FXYD3: variants seen among roughly 807,000 people sequenced by gnomAD.
FXYD3 encodes the protein FXYD domain containing ion transport regulator 3.
FXYD3 carries 13 observed loss-of-function variants against 19.2 expected under a neutral mutation model. That is an observed-to-expected ratio of 0.68 (90% CI 0.44 to 1.08). The LOEUF (loss-of-function observed/expected upper bound fraction) is 1.08. FXYD3 is among the 50% of genes least tolerant of loss of function. FXYD3 has a pLI of 0.00. For synonymous variants in FXYD3, 48 were observed against 38.9 expected, an observed-to-expected ratio of 1.23 and a Z score of -0.87; for missense variants, 101 against 109.4, an observed-to-expected ratio of 0.92 and a Z score of 0.34.
At chr19:35,121,638 C>A in intron 5 of FXYD3, 2 of 834,162 alleles carry the variant, frequency 2.4e-6, no homozygotes, top group Non-Finnish European at 3.2e-6. Context: ...CCTCTCCACG[C>A]TCCTCATTCC....
At chr19:35,118,730 G>T in intron 2 of FXYD3, 1 of 292,902 alleles carries the variant, frequency 3.4e-6, no homozygotes, top group South Asian at 6.3e-5. Flanking sequence ...CAGCCAGGAG[G>T]TAGAGTCCCC....
intron 7 of FXYD3, 139 bp downstream of exon 7, chr19:35,123,093 T>C: frequency 6.9e-7 from 1 of 1,457,752 alleles, no homozygotes; most frequent in South Asian, 1.5e-5. Context: ...GTTTATTGTT[T>C]CTAGCTGGTA....
In FXYD3 at chr19:35,119,411, TG is replaced by T; in HGVS notation, c.37del (p.Ala13GlnfsTer11). 1 of 1,614,010 alleles carries T rather than the reference TG, an allele frequency of 6.2e-7. No individual in the cohort carries two copies. The highest frequency in any genetic ancestry group is 8.5e-7 in the Non-Finnish European group (1 of 1,179,916). On this transcript the variant is annotated frameshift_variant, in exon 3 of 9. Transcript: ENST00000604404. LOFTEE classifies it high-confidence loss of function. The part of the protein sequence containing the change: ...QKVTLGLLVF[L>X]AGFPVLDAND... ...GTGACCCTGGGCCTGCTTGTGTTCC[TG>T]GCAGGTGAGTACCCATCCCCCGTCT...
chr19:35,116,860 AC>A, intron 2 of FXYD3: 1 of 844,792 alleles, frequency 1.2e-6, no homozygotes, highest in Non-Finnish European at 1.3e-6. Context: ...GATTCTGGAG[AC>A]CTCCAGGAAA....
At position 35,119,419 on chromosome 19, in the gene FXYD3, G is replaced by A; in HGVS notation, c.40+3G>A. 3 of 1,613,738 alleles carry A rather than the reference G, an allele frequency of 1.9e-6. No individual in the cohort carries two copies. Among genetic ancestry groups the A allele is most frequent in the Non-Finnish European group, 2.5e-6 (3 of 1,179,742 alleles). ...GGGCCTGCTTGTGTTCCTGGCAGGT[G>A]AGTACCCATCCCCCGTCTGCCTTTT... On this transcript the variant is annotated splice_donor_region_variant and intron_variant, in intron 3 of 8. Transcript: ENST00000604404.
At chr19:35,120,104 G>A (rs1487175357) in intron 3 of FXYD3, among the ~76,000 whole-genome samples, 1 of 151,660 alleles carries the variant, frequency 6.6e-6, no homozygotes, top group Non-Finnish European at 1.5e-5. Context: ...CAGTGCGACT[G>A]CATCTTTAAC....
At chr19:35,119,280 G>A (rs745414605) in intron 2 of FXYD3, 83 bp from the exon 3 acceptor site, 2 of 1,611,486 alleles carry the variant, frequency 1.2e-6, no homozygotes, top group Admixed American at 1.7e-5. Flanking sequence ...CTGGGGAGCA[G>A]GGGAGGAGGG....
rs1045038452 is a variant in FXYD3, at chr19:35,118,604, G to A, written c.-14-759G>A. 8.0e-6 allele frequency: 8 copies of A among 998,626 alleles called. No individual in the cohort carries two copies. In the African/African-American group the frequency reaches 1.2e-4, roughly 15 times the overall value. The allele number at this position is 998,626 out of a possible 1,614,324, so 61.9% of individuals were successfully genotyped here. Reference sequence around the variant, plus strand: ...AGGAACTCTGCTGGGCCTAGGGTAGGGTCAGGGGCTGGGCTGGGGACCCCG... The same window carrying A: ...AGGAACTCTGCTGGGCCTAGGGTAGAGTCAGGGGCTGGGCTGGGGACCCCG... On this transcript the variant is annotated intron_variant, in intron 2 of 8. Transcript: ENST00000604404.
intron 3 of FXYD3, chr19:35,120,002 C>T (rs1204254775): frequency 6.6e-6 from 1 of 152,236 alleles, no homozygotes; most frequent in Non-Finnish European, 1.5e-5. Context: ...ATAACGGAAG[C>T]TAGAGAAGAT....
At chr19:35,117,228 G>A in intron 2 of FXYD3, 1 of 1,450,882 alleles carries the variant, frequency 6.9e-7, no homozygotes, top group South Asian at 1.5e-5. Context: ...GCAGCCTCCG[G>A]AAGCATGGGA....
chr19:35,122,811 G>GT lies in FXYD3; in HGVS notation c.145dup (p.Cys49LeufsTer65), dbSNP rs774109202. ...GCGGGCTCATCTGCGCTGGGGTTCT[G>GT]TGCGCCATGGGCATCATCATCGTCA... On this transcript the variant is annotated frameshift_variant, in exon 6 of 9. Transcript: ENST00000604404. LOFTEE classifies it high-confidence loss of function. 2.2e-5 allele frequency: 36 copies of GT among 1,613,888 alleles called. No homozygotes were observed. The highest frequency in any genetic ancestry group is 2.9e-5 in the Non-Finnish European group (34 of 1,180,036).
chr19:35,122,669 G>A, intron 5 of FXYD3, 96 bp from the exon 6 acceptor site: 1 of 981,792 alleles, frequency 1.0e-6, no homozygotes, highest in East Asian at 2.4e-5. Flanking sequence ...AGCACCCTGT[G>A]CATCCTAGGT....
intron 1 of FXYD3, 49 bp downstream of exon 1, chr19:35,116,008 C>G (rs2064877443): frequency 6.5e-6 from 1 of 152,980 alleles, no homozygotes; most frequent in Admixed American, 6.5e-5. Context: ...GAGGCTCTGC[C>G]GTTTAAAGAC....
chr19:35,121,031 T>C (rs1318706664), intron 3 of FXYD3, 47 bp from the exon 4 acceptor site: 2 of 1,610,218 alleles, frequency 1.2e-6, no homozygotes, highest in East Asian at 2.2e-5. Context: ...AAGGCTTGGC[T>C]GAGGCCGGCA....
intron 2 of FXYD3, chr19:35,117,245 G>A (rs1210255249): frequency 2.0e-6 from 3 of 1,481,008 alleles, no homozygotes; most frequent in African/African-American, 1.5e-5. Flanking sequence ...GGGACTGGAC[G>A]TTGTTTTGCA....
At chr19:35,122,861 A>G in intron 6 of FXYD3, 22 bp downstream of exon 6, 1 of 1,613,720 alleles carries the variant, frequency 6.2e-7, no homozygotes, top group Non-Finnish European at 8.5e-7. Context: ...AGCTCGGGGG[A>G]GCAGGCGGGC....
chr19:35,117,124 C>G (rs2064907704), intron 2 of FXYD3: 1 of 1,326,510 alleles, frequency 7.5e-7, no homozygotes, highest in Non-Finnish European at 9.6e-7. Flanking sequence ...CTCTAACCTG[C>G]TCACCAACCA....
chr19:35,118,710 G>A, intron 2 of FXYD3: 1 of 374,546 alleles, frequency 2.7e-6, no homozygotes, highest in Non-Finnish European at 4.0e-6. Flanking sequence ...CAGAGATGGA[G>A]CTAGGGCTGC....
At chr19:35,117,279 A>G (rs759478493) in intron 2 of FXYD3, 103 of 1,504,990 alleles carry the variant, frequency 6.8e-5, no homozygotes, top group Middle Eastern at 1.7e-4. Flanking sequence ...GGAGGATACC[A>G]TCTGTCAGTC....
Sources: gnomAD v4.1 joint callset for allele counts (sites outside exome capture counted in the v4.1 genomes callset) on GRCh38, gnomAD v4.1.1 for gene constraint, MANE v1.5 for transcripts, NCBI Gene and HGNC (gene_info 2026-07-23, HGNC 2026-07-21) for gene names.